PHACTR3: variants seen among roughly 807,000 people sequenced by gnomAD.
PHACTR3 encodes the protein protein phosphatase 1, regulatory subunit 123.
A neutral mutation model predicts 66.8 loss-of-function variants in PHACTR3; 16 were observed. That is an observed-to-expected ratio of 0.24 (90% CI 0.16 to 0.36). The LOEUF is 0.36. PHACTR3 is among the 10% of genes least tolerant of loss of function. The probability of loss-of-function intolerance (pLI) is 1.00; values close to 1 mark genes in which losing one functional copy is unlikely to be tolerated. For missense variants in PHACTR3, 647 were observed against 719.9 expected (o/e 0.90, Z 1.16); for synonymous variants, 323 against 292.1 (o/e 1.11, Z -1.08).
In PHACTR3 at chr20:59,755,174, C is replaced by T. The variant is rs2039739224; in HGVS notation, c.359-8C>T. The T allele has an allele frequency of 1.2e-6, 2 of 1,610,544 alleles. No individual in the cohort carries two copies. The highest frequency in any genetic ancestry group is 1.7e-6 in the Non-Finnish European group (2 of 1,179,524). On this transcript the variant is annotated splice_region_variant and splice_polypyrimidine_tract_variant and intron_variant, in intron 3 of 12. Coordinates refer to ENST00000371015, the MANE Select transcript of PHACTR3 (RefSeq NM_080672.5). ...GCAGGCCCAGCTGACAGCTACATTTCCTTGTAGATGCTGAAAGCAAAACTT... is the reference window on the plus strand; with the variant it reads ...GCAGGCCCAGCTGACAGCTACATTTTCTTGTAGATGCTGAAAGCAAAACTT...
At chr20:59,780,889 C>T (rs1208193461) in intron 7 of PHACTR3, among the ~76,000 whole-genome samples, 5 of 152,164 alleles carry the variant, frequency 3.3e-5, no homozygotes, top group African/African-American at 4.8e-5. Flanking sequence ...GGGTGCTCAC[C>T]GAAGTATAGC....
At chr20:59,771,579 C>A (rs1168209803) in intron 5 of PHACTR3, among the ~76,000 whole-genome samples, 1 of 151,970 alleles carries the variant, frequency 6.6e-6, no homozygotes, top group Non-Finnish European at 1.5e-5. Context: ...GTGGTGCCCT[C>A]TCGCCCCCCT....
intron 9 of PHACTR3, among the ~76,000 whole-genome samples, chr20:59,839,979 TTTAC>T (rs2059029168): frequency 1.3e-5 from 2 of 152,332 alleles, no homozygotes; most frequent in Middle Eastern, 3.4e-3. Context: ...TATACATTTA[TTTAC>T]TTAGTCTACT....
chr20:59,677,381 G>T (rs12481166), intron 1 of PHACTR3, among the ~76,000 whole-genome samples: 42,544 of 152,060 alleles, frequency 0.28, 7,063 homozygotes, highest in African/African-American at 0.46. Context: ...AGGCACACTT[G>T]GCTTTTGTGT....
chr20:59,846,764 C>T (rs2059157369), intron 12 of PHACTR3, among the ~76,000 whole-genome samples: 1 of 152,130 alleles, frequency 6.6e-6, no homozygotes, highest in African/African-American at 2.4e-5. Flanking sequence ...TATTACTCTA[C>T]AAAAAGTCAT....
chr20:59,706,708 A>C (rs1328630838), intron 1 of PHACTR3, among the ~76,000 whole-genome samples: 1 of 152,200 alleles, frequency 6.6e-6, no homozygotes, highest in Non-Finnish European at 1.5e-5. Context: ...TTTTGCTTAG[A>C]ATATGAACAC....
chr20:59,639,653 G>C (rs1017438232), intron 1 of PHACTR3, among the ~76,000 whole-genome samples: 1 of 152,156 alleles, frequency 6.6e-6, no homozygotes, highest in Non-Finnish European at 1.5e-5. Flanking sequence ...GTGGCTTTGG[G>C]CAAGTTAATC....
chr20:59,752,341 A>C (rs1601265928), intron 3 of PHACTR3, among the ~76,000 whole-genome samples: 1 of 152,200 alleles, frequency 6.6e-6, no homozygotes, highest in East Asian at 1.9e-4. Flanking sequence ...GCTCAGGTGC[A>C]CTGCCCCGCG....
intron 1 of PHACTR3, among the ~76,000 whole-genome samples, chr20:59,670,614 G>GAGT (rs1456621928): frequency 4.6e-5 from 6 of 130,962 alleles, no homozygotes; most frequent in African/African-American, 1.6e-4. Flanking sequence ...GTGGGGGGGG[G>GAGT]GGGCAGGCAC....
intron 1 of PHACTR3, among the ~76,000 whole-genome samples, chr20:59,724,133 C>T (rs553352329): frequency 3.3e-5 from 5 of 152,182 alleles, no homozygotes; most frequent in Admixed American, 6.5e-5. Context: ...GGCTGGCCAA[C>T]GTGCACCCTC....
At chr20:59,679,870 G>T (rs113515183) in intron 1 of PHACTR3, among the ~76,000 whole-genome samples, 67 of 152,244 alleles carry the variant, frequency 4.4e-4, no homozygotes, top group African/African-American at 1.5e-3. Flanking sequence ...CTCCTGCTGG[G>T]TCCCTCCCGC....
chr20:59,784,641 T>C (rs1016315128), intron 7 of PHACTR3, among the ~76,000 whole-genome samples: 1 of 152,126 alleles, frequency 6.6e-6, no homozygotes, highest in African/African-American at 2.4e-5. Context: ...GAGAGAGACC[T>C]TTATTCACCC....
At chr20:59,793,633 C>A (rs2041166617) in intron 7 of PHACTR3, among the ~76,000 whole-genome samples, 1 of 151,986 alleles carries the variant, frequency 6.6e-6, no homozygotes, top group Admixed American at 6.6e-5. Flanking sequence ...ATTTTTGTAT[C>A]CTGCAACTTT....
At chr20:59,689,026 G>A (rs1429623572) in intron 1 of PHACTR3, among the ~76,000 whole-genome samples, 1 of 152,160 alleles carries the variant, frequency 6.6e-6, no homozygotes, top group Admixed American at 6.6e-5. Flanking sequence ...ATCCTGTGTG[G>A]GCCGAGGTGC....
At chr20:59,632,712 G>A (rs984368032) in intron 1 of PHACTR3, among the ~76,000 whole-genome samples, 1 of 152,186 alleles carries the variant, frequency 6.6e-6, no homozygotes, top group Admixed American at 6.5e-5. Flanking sequence ...GATTATTACA[G>A]GGACTTAGAG....
At chr20:59,591,220 C>T (rs2033173905) in intron 1 of PHACTR3, among the ~76,000 whole-genome samples, 1 of 152,176 alleles carries the variant, frequency 6.6e-6, no homozygotes, top group Non-Finnish European at 1.5e-5. Context: ...CATTCTCGTC[C>T]CTCGCACGGA....
Position 59,743,204 on chromosome 20 carries a change from C to T in PHACTR3, c.216C>T (p.Gly72=), listed in dbSNP as rs755611546. 2.5e-6 allele frequency: 4 copies of T among 1,614,122 alleles called. No individual in the cohort carries two copies. The highest frequency in any genetic ancestry group is 4.5e-5 in the East Asian group (2 of 44,872). The change falls in exon 2 of 13, where the codon GGC becomes GGT. Residue 72 remains glycine, a synonymous_variant. Coordinates refer to ENST00000371015, the MANE Select transcript of PHACTR3 (RefSeq NM_080672.5). ...VRRNSKLATL[G]RIFKPWKWRK... ...GGAACAGCAAACTGGCCACCCTGGGCAGGATCTTCAAACCCTGGAAATGGA... is the reference window on the plus strand; with the variant it reads ...GGAACAGCAAACTGGCCACCCTGGGTAGGATCTTCAAACCCTGGAAATGGA...
At chr20:59,756,314 C>T (rs1052181611) in intron 4 of PHACTR3, among the ~76,000 whole-genome samples, 3 of 152,168 alleles carry the variant, frequency 2.0e-5, no homozygotes, top group East Asian at 1.9e-4. Context: ...GGAAGGTGAA[C>T]GCGTCTCTCC....
chr20:59,710,718 T>G (rs1601160283), intron 1 of PHACTR3, among the ~76,000 whole-genome samples: 1 of 152,072 alleles, frequency 6.6e-6, no homozygotes, highest in East Asian at 1.9e-4. Context: ...CATTCAAGCC[T>G]CTTCCAGGCC....
Sources: gnomAD v4.1 joint callset for allele counts (sites outside exome capture counted in the v4.1 genomes callset) on GRCh38, gnomAD v4.1.1 for gene constraint, MANE v1.5 for transcripts, NCBI Gene and HGNC (gene_info 2026-07-23, HGNC 2026-07-21) for gene names.